The following MLC1 variants were observed in gnomAD, a reference collection of about 807,000 sequenced individuals.
MLC1 encodes membrane protein MLC1.
Under a neutral mutation model 44.7 loss-of-function variants are expected in MLC1, and 32 were observed. The observed-to-expected ratio is 0.72, with a 90% confidence interval of 0.54 to 0.96. The LOEUF is 0.96. MLC1 is among the 40% of genes least tolerant of loss of function. The pLI is 0.00. For synonymous variants in MLC1, 190 were observed against 213.0 expected, an observed-to-expected ratio of 0.89 and a Z score of 0.94; for missense variants, 459 against 492.2, an observed-to-expected ratio of 0.93 and a Z score of 0.64.
intron 8 of MLC1, among the ~76,000 whole-genome samples, chr22:50,072,325 C>T (rs1266320272): frequency 4.6e-5 from 7 of 152,242 alleles, no homozygotes; most frequent in East Asian, 3.8e-4. Flanking sequence ...ACTCCAGCCC[C>T]GAGCACCTGC....
At chr22:50,076,588 T>C (rs1029534140) in intron 7 of MLC1, among the ~76,000 whole-genome samples, 5 of 150,358 alleles carry the variant, frequency 3.3e-5, no homozygotes, top group Non-Finnish European at 2.9e-5. Flanking sequence ...GGGACAACAG[T>C]GTCAACTCAC....
chr22:50,072,726 C>T (rs1462851218), intron 8 of MLC1: 1 of 152,338 alleles, frequency 6.6e-6, no homozygotes. Context: ...TTTCAGACCC[C>T]AGGGTCAGTT....
intron 8 of MLC1, chr22:50,072,665 T>C (rs931000655): frequency 2.0e-5 from 3 of 152,354 alleles, no homozygotes; most frequent in African/African-American, 7.2e-5. Context: ...CTCAACTTTT[T>C]GGAGGTATGT....
chr22:50,063,421 C>T (rs911631271), intron 11 of MLC1, among the ~76,000 whole-genome samples: 1 of 146,828 alleles, frequency 6.8e-6, no homozygotes, highest in African/African-American at 2.5e-5. Flanking sequence ...TGTGGTGAGC[C>T]GTGATCGCGC....
chr22:50,084,844 C>G lies in MLC1; in HGVS notation c.59G>C (p.Arg20Pro). The part of the protein sequence containing the change: ...LAYDRMPTLE[R>P]GRQDPASYAP... ...ATAGCTGGCGGGGTCTTGCCGGCCC[C>G]GCTCCAGCGTGGGCATCCGGTCATA... Residue 20 changes from arginine (R) to proline (P), a missense_variant, in exon 2 of 12, where the codon CGG becomes CCG. By Grantham distance (103) the Arg-to-Pro change is moderately radical. Transcript: ENST00000311597. 1 of 1,613,658 alleles carries G rather than the reference C, an allele frequency of 6.2e-7. No individual in the cohort carries two copies. Among genetic ancestry groups the G allele is most frequent in the Non-Finnish European group, 8.5e-7 (1 of 1,180,048 alleles).
At chr22:50,079,468 G>C (rs1329741999) in intron 5 of MLC1, among the ~76,000 whole-genome samples, 1 of 145,146 alleles carries the variant, frequency 6.9e-6, no homozygotes, top group Admixed American at 7.0e-5. Flanking sequence ...CAGTATCTCG[G>C]ATGAGGTCCT....
At position 50,062,810 on chromosome 22, in the gene MLC1, C is replaced by A. The variant is rs151266384; in HGVS notation, c.1060-1153G>T. ...AGTGGTCACTGCACCTGAGGGTCAG[C>A]GGGCAGGTTTGCCCAGGGGAGCACC... On this transcript the variant is annotated intron_variant, in intron 11 of 11. Coordinates refer to ENST00000311597, the MANE Select transcript of MLC1 (RefSeq NM_015166.4). Among the ~76,000 whole-genome samples, 46 of 152,310 alleles carry A rather than the reference C, an allele frequency of 3.0e-4. 1 individual carries two copies. The East Asian group carries it at 8.5e-3, about 28-fold the overall frequency.
intron 10 of MLC1, among the ~76,000 whole-genome samples, chr22:50,065,051 A>G (rs1165804045): frequency 6.6e-6 from 1 of 152,108 alleles, no homozygotes; most frequent in Non-Finnish European, 1.5e-5. Context: ...CAACCTCGCC[A>G]GTAGCTGGGA....
intron 5 of MLC1, among the ~76,000 whole-genome samples, chr22:50,079,567 G>A (rs1167732973): frequency 5.0e-5 from 7 of 139,066 alleles, no homozygotes; most frequent in African/African-American, 1.3e-4. Flanking sequence ...GTGCAGTGGC[G>A]CCATCTCGGC....
intron 10 of MLC1, 114 bp downstream of exon 10, chr22:50,068,319 C>T: frequency 6.8e-7 from 1 of 1,460,894 alleles, no homozygotes; most frequent in Non-Finnish European, 9.4e-7. Flanking sequence ...GAGGTGCCTC[C>T]TGGAGCTGTC....
Position 50,083,003 on chromosome 22 carries a change from C to T in MLC1, c.267+81G>A. On this transcript the variant is annotated intron_variant, in intron 3 of 11. Transcript: ENST00000311597. This position sits in a 1 kb window ranked among gnomAD's most constrained non-coding sequence, Gnocchi z 4.6. ...TTGAATGAGGTACAGGTGACAGAAACCTGCACATCTCAGAACAAAGAAACC... is the reference window on the plus strand; with the variant it reads ...TTGAATGAGGTACAGGTGACAGAAATCTGCACATCTCAGAACAAAGAAACC... 1 of 1,389,050 alleles carries T rather than the reference C, an allele frequency of 7.2e-7. No individual in the cohort carries two copies. Among genetic ancestry groups the T allele is most frequent in the South Asian group, 1.2e-5 (1 of 86,554 alleles). 86.0% of individuals were successfully genotyped at this position (1,389,050 alleles called of 1,614,324 possible).
chr22:50,077,909 G>A (rs999739312), intron 5 of MLC1, among the ~76,000 whole-genome samples: 2 of 152,040 alleles, frequency 1.3e-5, no homozygotes, highest in East Asian at 1.9e-4. Context: ...GGCCCTGACC[G>A]TATTGGCAGT....
intron 10 of MLC1, among the ~76,000 whole-genome samples, chr22:50,068,031 C>G (rs893625086): frequency 1.3e-5 from 2 of 152,074 alleles, no homozygotes; most frequent in African/African-American, 4.8e-5. Flanking sequence ...CCTCAGAAGT[C>G]GTGTTGGAGA....
chr22:50,071,573 G>A (rs375497069), intron 8 of MLC1, among the ~76,000 whole-genome samples: 28 of 152,160 alleles, frequency 1.8e-4, no homozygotes, highest in African/African-American at 6.3e-4. Context: ...GCCTCCGTGT[G>A]GGACAGGATT....
At chr22:50,063,200 C>T (rs879534162) in intron 11 of MLC1, among the ~76,000 whole-genome samples, 5 of 152,068 alleles carry the variant, frequency 3.3e-5, no homozygotes, top group Admixed American at 1.3e-4. Context: ...TACGGCTGGG[C>T]GCGGTGGCTC....
At position 50,070,443 on chromosome 22, in the gene MLC1, T is replaced by C; in HGVS notation, c.771+84A>G. ...TGCGCTCTCTTGGGCTGGAGCCTGG[T>C]CACATGGCACCAAGGGAGGGCTAGG... On this transcript the variant is annotated intron_variant, in intron 9 of 11. Transcript: ENST00000311597. 3.1e-6 allele frequency: 4 copies of C among 1,305,948 alleles called. No individual in the cohort carries two copies. In the South Asian group the frequency reaches 3.8e-5, roughly 12 times the overall value. The allele number at this position is 1,305,948 out of a possible 1,614,324, so 80.9% of individuals were successfully genotyped here.
At chr22:50,081,938 G>C (rs751535760) in intron 3 of MLC1, among the ~76,000 whole-genome samples, 2 of 152,266 alleles carry the variant, frequency 1.3e-5, no homozygotes, top group Non-Finnish European at 2.9e-5. Flanking sequence ...CTTCCAGAGA[G>C]GGCAGCAGAG....
Position 50,080,382 on chromosome 22 carries a change from T to C in MLC1, c.283A>G (p.Ile95Val). 1 of 1,606,406 alleles carries C rather than the reference T, an allele frequency of 6.2e-7. No homozygotes were observed. Reference protein sequence around the residue: ...CAAGSCIPSAIVSFTVSRRNA... With the variant: ...CAAGSCIPSAVVSFTVSRRNA... ...CTCCTGGAGACGGTGAAGCTCACAATTGCCGAGGGGATGCACTGGAATGAA... is the reference window on the plus strand; with the variant it reads ...CTCCTGGAGACGGTGAAGCTCACAACTGCCGAGGGGATGCACTGGAATGAA... Residue 95 changes from isoleucine (I) to valine (V), a missense_variant, in exon 4 of 12, where the codon ATT becomes GTT. By Grantham distance (29) the Ile-to-Val change is conservative. Coordinates refer to ENST00000311597, the MANE Select transcript of MLC1 (RefSeq NM_015166.4).
intron 11 of MLC1, among the ~76,000 whole-genome samples, chr22:50,063,472 C>CAAA (rs1186364376): frequency 2.5e-5 from 2 of 79,580 alleles, no homozygotes; most frequent in Non-Finnish European, 5.0e-5. Context: ...GACTCCTTCT[C>CAAA]AAAAAAAAAA....
Sources: gnomAD v4.1 joint callset for allele counts (sites outside exome capture counted in the v4.1 genomes callset) on GRCh38, gnomAD v4.1.1 for gene constraint, Gnocchi (gnomAD v3.1) non-coding constraint, MANE v1.5 for transcripts, NCBI Gene and HGNC (gene_info 2026-07-23, HGNC 2026-07-21) for gene names.